The following KCNB2 variants were observed in gnomAD, a reference collection of about 807,000 sequenced individuals.
KCNB2 encodes the protein potassium voltage-gated channel subfamily B member 2.
KCNB2 carries 15 observed loss-of-function variants against 61.5 expected under a neutral mutation model. The ratio of observed to expected loss-of-function variants is 0.24; its 90% confidence interval spans 0.16 to 0.38. KCNB2 has a LOEUF of 0.38. Ranked by LOEUF, KCNB2 falls within the 10% of genes least tolerant of loss-of-function variation. The pLI, the probability that KCNB2 is intolerant of heterozygous loss-of-function variation, is 1.00. For missense variants in KCNB2, 828 were observed against 1,125.2 expected, an observed-to-expected ratio of 0.74 and a Z score of 3.78; for synonymous variants, 457 against 446.0, an observed-to-expected ratio of 1.02 and a Z score of -0.31.
intron 2 of KCNB2, among the ~76,000 whole-genome samples, chr8:72,701,165 T>A (rs1364071674): frequency 1.3e-5 from 2 of 152,162 alleles, no homozygotes; most frequent in African/African-American, 4.8e-5. Context: ...TACCCAAGTC[T>A]TAGCATCACA....
intron 2 of KCNB2, among the ~76,000 whole-genome samples, chr8:72,584,217 T>TA (rs1307746115): frequency 6.6e-6 from 1 of 152,066 alleles, no homozygotes; most frequent in African/African-American, 2.4e-5. Context: ...GAGGATTTTT[T>TA]AAAAAAGTCA....
At chr8:72,549,366 A>ATATT (rs1332729798) in intron 1 of KCNB2, among the ~76,000 whole-genome samples, 1 of 152,238 alleles carries the variant, frequency 6.6e-6, no homozygotes, top group African/African-American at 2.4e-5. Context: ...TAACAAAAGT[A>ATATT]TATTTCTCAT....
At chr8:72,906,316 C>T (rs1806176079) in intron 2 of KCNB2, among the ~76,000 whole-genome samples, 1 of 152,178 alleles carries the variant, frequency 6.6e-6, no homozygotes, top group Admixed American at 6.5e-5. Flanking sequence ...GAATCTTTTG[C>T]TTTTCAGTCC....
chr8:72,798,240 G>A (rs575218171), intron 2 of KCNB2, among the ~76,000 whole-genome samples: 83 of 152,266 alleles, frequency 5.5e-4, no homozygotes, highest in African/African-American at 1.9e-3. Flanking sequence ...TTCCTGTTAT[G>A]TTTTAAGACT....
chr8:72,538,613 ATAAG>A (rs1237369997), intron 1 of KCNB2, among the ~76,000 whole-genome samples: 5 of 152,248 alleles, frequency 3.3e-5, no homozygotes, highest in African/African-American at 1.2e-4. Flanking sequence ...TGTTTCAACA[ATAAG>A]TAATAATGCA....
intron 1 of KCNB2, among the ~76,000 whole-genome samples, chr8:72,538,185 A>G (rs945190180): frequency 6.6e-6 from 1 of 152,086 alleles, no homozygotes; most frequent in Non-Finnish European, 1.5e-5. Flanking sequence ...TTGTTGGTAA[A>G]TGCCACACTC....
chr8:72,827,535 T>C (rs1809615615), intron 2 of KCNB2, among the ~76,000 whole-genome samples: 1 of 152,120 alleles, frequency 6.6e-6, no homozygotes, highest in Admixed American at 6.5e-5. Context: ...ACTCCAACTT[T>C]TATTCACTCA....
chr8:72,891,539 ATGTAGTAT>A (rs1805895818), intron 2 of KCNB2, among the ~76,000 whole-genome samples: 8 of 152,340 alleles, frequency 5.3e-5, no homozygotes, highest in Admixed American at 5.2e-4. Context: ...ATCCTTTCCA[ATGTAGTAT>A]CAAGAAAGCC....
chr8:72,760,521 C>T (rs887708870), intron 2 of KCNB2, among the ~76,000 whole-genome samples: 4 of 152,130 alleles, frequency 2.6e-5, no homozygotes, highest in African/African-American at 4.8e-5. Context: ...AACAGCATCA[C>T]CTAGGCACTC....
In KCNB2 at chr8:72,775,721, CT is replaced by C. The variant is rs1195244842; in HGVS notation, c.580-160211del. Reference sequence around the variant, plus strand: ...GAGATTAAGTGGCTATATGAATGAGCTTTAAAAAAAAAAAAAAATGACCCAC... The same window carrying C: ...GAGATTAAGTGGCTATATGAATGAGCTTAAAAAAAAAAAAAAATGACCCAC... On this transcript the variant is annotated intron_variant, in intron 2 of 2. Transcript: ENST00000523207. Among the ~76,000 whole-genome samples the C allele has an allele frequency of 5.5e-4, 44 of 79,946 alleles. No homozygotes were observed. The East Asian group carries it at 0.019, about 35-fold the overall frequency. The allele number at this position is 79,946 out of a possible 152,430, so 52.4% of individuals were successfully genotyped here.
At chr8:72,718,506 C>T (rs1440772063) in intron 2 of KCNB2, among the ~76,000 whole-genome samples, 1 of 152,156 alleles carries the variant, frequency 6.6e-6, no homozygotes, top group Non-Finnish European at 1.5e-5. Context: ...GAGTTCATCT[C>T]TTTTGTAGGG....
chr8:72,736,274 A>G (rs1301827164), intron 2 of KCNB2, among the ~76,000 whole-genome samples: 1 of 152,140 alleles, frequency 6.6e-6, no homozygotes, highest in East Asian at 1.9e-4. Context: ...ATCATTTAAA[A>G]AAAAAAGCTT....
intron 2 of KCNB2, among the ~76,000 whole-genome samples, chr8:72,625,472 C>G (rs1441133805): frequency 1.3e-5 from 2 of 151,912 alleles, no homozygotes; most frequent in Non-Finnish European, 2.9e-5. Flanking sequence ...ATTCTGTCAC[C>G]CAGGCTGGAG....
At chr8:72,826,678 G>A (rs528751099) in intron 2 of KCNB2, among the ~76,000 whole-genome samples, 19 of 152,240 alleles carry the variant, frequency 1.2e-4, no homozygotes, top group South Asian at 8.3e-4. Context: ...GAATGGAGGC[G>A]GGGATGAAGT....
At chr8:72,868,088 T>TTA (rs1805560508) in intron 2 of KCNB2, among the ~76,000 whole-genome samples, 1 of 148,926 alleles carries the variant, frequency 6.7e-6, no homozygotes, top group African/African-American at 2.5e-5. Flanking sequence ...TTTTTTTTTT[T>TTA]AGAGACAGGG....
intron 2 of KCNB2, among the ~76,000 whole-genome samples, chr8:72,761,217 C>T (rs1037907397): frequency 2.0e-5 from 3 of 152,122 alleles, no homozygotes; most frequent in Non-Finnish European, 2.9e-5. Context: ...CACTCTCTAC[C>T]CTGCATCCAT....
At chr8:72,716,050 TA>T (rs1807432295) in intron 2 of KCNB2, among the ~76,000 whole-genome samples, 2 of 152,134 alleles carry the variant, frequency 1.3e-5, no homozygotes, top group Non-Finnish European at 2.9e-5. Context: ...GCAAATAAAC[TA>T]GAAAATCTAG....
chr8:72,676,260 A>G (rs1806651424), intron 2 of KCNB2, among the ~76,000 whole-genome samples: 2 of 152,280 alleles, frequency 1.3e-5, no homozygotes, highest in South Asian at 2.1e-4. Context: ...CATTTAAATC[A>G]GAAAGTAATT....
intron 2 of KCNB2, among the ~76,000 whole-genome samples, chr8:72,887,874 C>A (rs1805831817): frequency 6.6e-6 from 1 of 152,192 alleles, no homozygotes; most frequent in South Asian, 2.1e-4. Flanking sequence ...GTGAACAGGC[C>A]TGATGGTGTG....
Sources: allele counts gnomAD v4.1 joint callset (sites outside exome capture counted in the v4.1 genomes callset), GRCh38; gene constraint gnomAD v4.1.1; transcripts MANE v1.5; gene names NCBI Gene and HGNC (gene_info 2026-07-23, HGNC 2026-07-21).